The following DSCAM variants were observed in gnomAD, a reference collection of about 807,000 sequenced individuals.
DSCAM encodes the protein DS cell adhesion molecule.
A neutral mutation model predicts 217.7 loss-of-function variants in DSCAM; 47 were observed. That is an observed-to-expected ratio of 0.22 (90% CI 0.17 to 0.28). DSCAM has a LOEUF of 0.28. DSCAM is among the 10% of genes least tolerant of loss of function. The pLI is 1.00. For synonymous variants in DSCAM, 1,056 were observed against 1,015.3 expected, an observed-to-expected ratio of 1.04 and a Z score of -0.76; for missense variants, 2,080 against 2,618.3, an observed-to-expected ratio of 0.79 and a Z score of 4.49.
chr21:40,557,671 C>T (rs1454473764), intron 3 of DSCAM, among the ~76,000 whole-genome samples: 4 of 152,278 alleles, frequency 2.6e-5, no homozygotes, highest in African/African-American at 4.8e-5. Flanking sequence ...CCTGTACATG[C>T]GCACTTCTCT....
intron 20 of DSCAM, among the ~76,000 whole-genome samples, chr21:40,106,502 A>G (rs950707064): frequency 1.3e-5 from 2 of 152,124 alleles, no homozygotes; most frequent in African/African-American, 4.8e-5. Flanking sequence ...GTTAGGAAGG[A>G]GTCCCCCCTC....
Position 40,244,067 on chromosome 21 carries a change from C to G in DSCAM, c.2356+32030G>C, listed in dbSNP as rs375383100. Among the ~76,000 whole-genome samples, 63 of 152,296 alleles carry G rather than the reference C, an allele frequency of 4.1e-4. No individual in the cohort carries two copies. The South Asian group carries it at 8.9e-3, about 22-fold the overall frequency. On this transcript the variant is annotated intron_variant, in intron 11 of 32. Coordinates refer to ENST00000400454, the MANE Select transcript of DSCAM (RefSeq NM_001389.5). ...AGGAGGAGACCATTTTTAAACTGGT[C>G]TACTGCCATGTGGAAATGGACCATT...
At chr21:40,216,772 T>C (rs935066809) in intron 11 of DSCAM, among the ~76,000 whole-genome samples, 6 of 152,196 alleles carry the variant, frequency 3.9e-5, no homozygotes, top group African/African-American at 9.7e-5. Flanking sequence ...AGCCAACCAG[T>C]GCCCCCATGA....
intron 16 of DSCAM, among the ~76,000 whole-genome samples, chr21:40,145,720 C>G (rs570152989): frequency 3.6e-4 from 54 of 152,080 alleles, no homozygotes; most frequent in Non-Finnish European, 4.4e-4. Context: ...TGGTGGGTGT[C>G]TGTAGTCCCA....
intron 1 of DSCAM, among the ~76,000 whole-genome samples, chr21:40,787,336 G>C (rs7284059): frequency 0.67 from 101,798 of 152,156 alleles, 34,449 homozygotes; most frequent in South Asian, 0.78. Context: ...TCAGATTTAA[G>C]ATAAAAATCA....
intron 20 of DSCAM, among the ~76,000 whole-genome samples, chr21:40,101,390 C>T (rs1340120606): frequency 6.6e-6 from 1 of 152,144 alleles, no homozygotes; most frequent in Non-Finnish European, 1.5e-5. Context: ...ATGAGAAGAA[C>T]AGGGCTCTCT....
chr21:40,666,298 T>C (rs1038232523), intron 3 of DSCAM, among the ~76,000 whole-genome samples: 3 of 152,172 alleles, frequency 2.0e-5, no homozygotes, highest in African/African-American at 7.2e-5. Flanking sequence ...TTCTATGCAG[T>C]ACCTCATTTA....
intron 11 of DSCAM, among the ~76,000 whole-genome samples, chr21:40,251,240 G>A (rs770767184): frequency 2.0e-5 from 3 of 152,068 alleles, no homozygotes; most frequent in Non-Finnish European, 2.9e-5. Flanking sequence ...GAAGAATACT[G>A]AGTAACACAG....
chr21:40,181,756 G>T (rs181022535), intron 14 of DSCAM, among the ~76,000 whole-genome samples: 1 of 151,886 alleles, frequency 6.6e-6, no homozygotes, highest in East Asian at 1.9e-4. Context: ...AAATCGTTTG[G>T]TCAAATGTAA....
intron 3 of DSCAM, among the ~76,000 whole-genome samples, chr21:40,671,360 T>C (rs909689225): frequency 2.6e-5 from 4 of 151,962 alleles, no homozygotes; most frequent in Non-Finnish European, 5.9e-5. Context: ...CCTGAACAAA[T>C]AAAAAAGTCT....
At chr21:40,183,095 CGGGGGGGGTTACCAGAGAAACCG>C (rs1568987179) in intron 14 of DSCAM, among the ~76,000 whole-genome samples, 141 of 3,914 alleles carry the variant, frequency 0.036, 46 homozygotes, top group African/African-American at 0.17. Context: ...AAACCGTGGA[CGGGGGGGGTTACCAGAGAAACCG>C]TGGACAGGAG....
chr21:40,589,272 G>T (rs1173758994), intron 3 of DSCAM, among the ~76,000 whole-genome samples: 2 of 152,142 alleles, frequency 1.3e-5, no homozygotes, highest in African/African-American at 4.8e-5. Flanking sequence ...TAAACAAAAT[G>T]AAATAATAAA....
chr21:40,322,373 C>T (rs923722650), intron 8 of DSCAM, among the ~76,000 whole-genome samples: 1 of 152,170 alleles, frequency 6.6e-6, no homozygotes, highest in Non-Finnish European at 1.5e-5. Context: ...ACTCACAAAA[C>T]TAAAGAGATT....
At chr21:40,638,557 T>C (rs2089837280) in intron 3 of DSCAM, among the ~76,000 whole-genome samples, 3 of 152,166 alleles carry the variant, frequency 2.0e-5, no homozygotes, top group South Asian at 2.1e-4. Flanking sequence ...CACAATTCTG[T>C]GCAAGCAGTC....
chr21:40,804,126 T>A (rs1439449271), intron 1 of DSCAM, among the ~76,000 whole-genome samples: 1 of 152,170 alleles, frequency 6.6e-6, no homozygotes, highest in Non-Finnish European at 1.5e-5. Flanking sequence ...ATGGAGACAG[T>A]GACCTGTGCA....
chr21:40,265,493 A>T (rs1000609712), intron 11 of DSCAM, among the ~76,000 whole-genome samples: 1 of 152,108 alleles, frequency 6.6e-6, no homozygotes, highest in African/African-American at 2.4e-5. Context: ...TAAAAAAAAA[A>T]ACATAAAATT....
At chr21:40,514,703 T>G (rs2076286504) in intron 3 of DSCAM, among the ~76,000 whole-genome samples, 1 of 152,194 alleles carries the variant, frequency 6.6e-6, no homozygotes, top group African/African-American at 2.4e-5. Flanking sequence ...TGCAGAACAA[T>G]TTGCTTTCAT....
At position 40,013,394 on chromosome 21, in the gene DSCAM, G is replaced by A. The variant is rs143945368; in HGVS notation, c.5687-8C>T. 2.6e-6 allele frequency: 4 copies of A among 1,524,742 alleles called. No individual in the cohort carries two copies. In the South Asian group the frequency reaches 5.2e-5, roughly 20 times the overall value. 94.5% of individuals were successfully genotyped at this position (1,524,742 alleles called of 1,614,324 possible). ...GCAAATGTATGAGGTCACCTAGAAG[G>A]AAAGACAGGGTAGTTAGTTGGTGTC... On this transcript the variant is annotated splice_region_variant and splice_polypyrimidine_tract_variant and intron_variant, in intron 32 of 32. Transcript: ENST00000400454.
chr21:40,211,885 C>T (rs2091188154), intron 11 of DSCAM, among the ~76,000 whole-genome samples: 1 of 151,656 alleles, frequency 6.6e-6, no homozygotes, highest in Admixed American at 6.6e-5. Flanking sequence ...TGTGTAGACC[C>T]TAATTGTTGG....
Sources: gnomAD v4.1 joint callset for allele counts (sites outside exome capture counted in the v4.1 genomes callset) on GRCh38, gnomAD v4.1.1 for gene constraint, MANE v1.5 for transcripts, NCBI Gene and HGNC (gene_info 2026-07-23, HGNC 2026-07-21) for gene names.